Variants in NETO1 observed in about 807,000 individuals in gnomAD.
NETO1 encodes neuropilin and tolloid-like protein 1.
A neutral mutation model predicts 61.3 loss-of-function variants in NETO1; 26 were observed. That is an observed-to-expected ratio of 0.42 (90% CI 0.31 to 0.59). The LOEUF is 0.59. Among genes scored for constraint, NETO1 ranks in the 20% least tolerant of loss-of-function variants. The pLI is 0.12. For synonymous variants in NETO1, 225 were observed against 225.8 expected (o/e 1.00, Z 0.03); for missense variants, 531 against 662.8 (o/e 0.80, Z 2.18).
chr18:72,815,219 T>C (rs1387754241), intron 4 of NETO1, among the ~76,000 whole-genome samples: 1 of 152,110 alleles, frequency 6.6e-6, no homozygotes, highest in African/African-American at 2.4e-5. Flanking sequence ...TAAGCAAATA[T>C]AGTATTTAGA....
At chr18:72,842,561 A>G (rs945394934) in intron 4 of NETO1, among the ~76,000 whole-genome samples, 3 of 152,200 alleles carry the variant, frequency 2.0e-5, no homozygotes, top group South Asian at 4.1e-4. Context: ...TGTTAAGAGC[A>G]TAAAGCAAAG....
intron 6 of NETO1, among the ~76,000 whole-genome samples, chr18:72,784,436 TA>T (rs1349216416): frequency 6.6e-6 from 1 of 152,188 alleles, no homozygotes; most frequent in South Asian, 2.1e-4. Flanking sequence ...TAATTTTTTA[TA>T]AAAAGGCCAA....
At chr18:72,855,077 T>G (rs746001253) in intron 4 of NETO1, among the ~76,000 whole-genome samples, 3 of 152,244 alleles carry the variant, frequency 2.0e-5, no homozygotes, top group Non-Finnish European at 2.9e-5. Context: ...ACACTTTTGA[T>G]ATGTCTTCTA....
At chr18:72,843,654 G>A (rs539360077) in intron 4 of NETO1, among the ~76,000 whole-genome samples, 1 of 152,250 alleles carries the variant, frequency 6.6e-6, no homozygotes, top group African/African-American at 2.4e-5. Context: ...ACCAGCCTCA[G>A]GAAAGTAGCT....
At chr18:72,770,393 T>C (rs2071314707) in intron 7 of NETO1, among the ~76,000 whole-genome samples, 1 of 152,150 alleles carries the variant, frequency 6.6e-6, no homozygotes, top group Non-Finnish European at 1.5e-5. Context: ...GAAATGTATG[T>C]ATATTTGAAT....
At chr18:72,816,532 G>A (rs1265941136) in intron 4 of NETO1, among the ~76,000 whole-genome samples, 2 of 152,176 alleles carry the variant, frequency 1.3e-5, no homozygotes, top group Non-Finnish European at 2.9e-5. Flanking sequence ...GGGGGAAAGG[G>A]AGGAAGGGTA....
chr18:72,771,317 A>G (rs1219018085), intron 7 of NETO1, among the ~76,000 whole-genome samples: 4 of 152,178 alleles, frequency 2.6e-5, no homozygotes, highest in Non-Finnish European at 5.9e-5. Context: ...AAAACTACAC[A>G]CAAAGAGAAT....
intron 7 of NETO1, among the ~76,000 whole-genome samples, chr18:72,761,352 A>G (rs12606922): frequency 0.29 from 44,777 of 152,216 alleles, 7,754 homozygotes; most frequent in South Asian, 0.4. Context: ...CAATTCTACA[A>G]GAAAAGCAGA....
intron 4 of NETO1, among the ~76,000 whole-genome samples, chr18:72,847,619 C>T (rs1366157231): frequency 2.0e-5 from 3 of 152,128 alleles, no homozygotes; most frequent in African/African-American, 7.2e-5. Context: ...AAATGGCATT[C>T]ATATAAAATC....
chr18:72,825,360 T>C (rs751734408), intron 4 of NETO1, among the ~76,000 whole-genome samples: 147 of 152,194 alleles, frequency 9.7e-4, no homozygotes, highest in Non-Finnish European at 1.7e-3. Context: ...TTCAAATATA[T>C]TGGCAAAAAG....
intron 7 of NETO1, among the ~76,000 whole-genome samples, chr18:72,779,349 C>T (rs923789713): frequency 1.3e-5 from 2 of 151,242 alleles, no homozygotes; most frequent in Admixed American, 1.3e-4. Context: ...ATATATTAGC[C>T]ATATATAAAA....
chr18:72,767,810 T>C (rs900232030), intron 7 of NETO1, among the ~76,000 whole-genome samples: 9 of 152,160 alleles, frequency 5.9e-5, no homozygotes, highest in African/African-American at 1.9e-4. Context: ...TGGTAGATTA[T>C]ACAATTTTAT....
chr18:72,776,074 T>C (rs1247963617), intron 7 of NETO1, among the ~76,000 whole-genome samples: 6 of 152,160 alleles, frequency 3.9e-5, no homozygotes, highest in Non-Finnish European at 8.8e-5. Flanking sequence ...AAGACGTATG[T>C]AGCTCAGAGT....
chr18:72,804,175 G>A (rs1009936698), intron 4 of NETO1, among the ~76,000 whole-genome samples: 16 of 151,952 alleles, frequency 1.1e-4, no homozygotes, highest in Non-Finnish European at 2.9e-5. Context: ...AATAAATATT[G>A]AATGATACAG....
At position 72,787,318 on chromosome 18, in the gene NETO1, G is replaced by A. The variant is rs116710478; in HGVS notation, c.640-3412C>T. Among the ~76,000 whole-genome samples the A allele has an allele frequency of 9.4e-3, 1,420 of 151,566 alleles. 32 individuals are homozygous for A. The highest frequency in any genetic ancestry group is 0.032 in the African/African-American group (1,337 of 41,370). On this transcript the variant is annotated intron_variant, in intron 6 of 10. Transcript: ENST00000327305. ...ACAGATTAGGGTAAGTAAAGAGTGCGTTCCACTCCTTTGAAGTGTAATACA... is the reference window on the plus strand; with the variant it reads ...ACAGATTAGGGTAAGTAAAGAGTGCATTCCACTCCTTTGAAGTGTAATACA...
At chr18:72,801,980 G>A (rs1458585745) in intron 4 of NETO1, among the ~76,000 whole-genome samples, 2 of 151,912 alleles carry the variant, frequency 1.3e-5, no homozygotes, top group African/African-American at 4.8e-5. Context: ...GGTTTCTTAT[G>A]GAAGAATCTA....
At chr18:72,776,532 A>G (rs1182513932) in intron 7 of NETO1, among the ~76,000 whole-genome samples, 1 of 152,138 alleles carries the variant, frequency 6.6e-6, no homozygotes, top group Non-Finnish European at 1.5e-5. Flanking sequence ...TGTTTTGGAG[A>G]CTGGGAAGTT....
chr18:72,806,741 C>G (rs2072686323), intron 4 of NETO1, among the ~76,000 whole-genome samples: 1 of 152,156 alleles, frequency 6.6e-6, no homozygotes, highest in Non-Finnish European at 1.5e-5. Flanking sequence ...TCATTCAATT[C>G]CCAGATGACT....
chr18:72,867,444 G>T lies in NETO1; in HGVS notation c.-153C>A. 2 of 463,502 alleles carry T rather than the reference G, an allele frequency of 4.3e-6. No individual in the cohort carries two copies. The highest frequency in any genetic ancestry group is 7.5e-6 in the Non-Finnish European group (2 of 267,008). 28.7% of individuals were successfully genotyped at this position (463,502 alleles called of 1,614,324 possible). On this transcript the variant is annotated 5_prime_UTR_variant, in exon 1 of 11. Transcript: ENST00000327305. ...GGCCGAGAGGGAGACCGAGAGGAAG[G>T]GGGAGCTCCGAGCCCACGCTGCAGC...
Sources: gnomAD v4.1 joint callset for allele counts (sites outside exome capture counted in the v4.1 genomes callset) on GRCh38, gnomAD v4.1.1 for gene constraint, MANE v1.5 for transcripts, NCBI Gene and HGNC (gene_info 2026-07-23, HGNC 2026-07-21) for gene names.